EPHA6: variants seen among roughly 807,000 people sequenced by gnomAD.
EPHA6 encodes the protein EPH receptor A6.
EPHA6 carries 50 observed loss-of-function variants against 112.0 expected under a neutral mutation model. The observed-to-expected ratio is 0.45, with a 90% CI of 0.36 to 0.56. The LOEUF is 0.56. Among genes scored for constraint, EPHA6 ranks in the 20% least tolerant of loss-of-function variants. The pLI is 0.00. For synonymous variants in EPHA6, 529 were observed against 490.7 expected, an observed-to-expected ratio of 1.08 and a Z score of -1.03; for missense variants, 1,280 against 1,417.4, an observed-to-expected ratio of 0.90 and a Z score of 1.56.
chr3:97,193,289 T>C (rs1373377578), intron 3 of EPHA6, among the ~76,000 whole-genome samples: 3 of 152,162 alleles, frequency 2.0e-5, no homozygotes, highest in Non-Finnish European at 4.4e-5. Context: ...TATCTTTTCA[T>C]TTTCTGTGAC....
At chr3:97,501,306 A>T (rs2092111539) in intron 10 of EPHA6, among the ~76,000 whole-genome samples, 1 of 151,402 alleles carries the variant, frequency 6.6e-6, no homozygotes, top group Non-Finnish European at 1.5e-5. Context: ...TGAATGATAC[A>T]ATTTAAAAAT....
intron 12 of EPHA6, among the ~76,000 whole-genome samples, chr3:97,596,882 A>ATATATATACATATATATATATATATATG (rs1560174220): frequency 7.3e-5 from 9 of 123,866 alleles, no homozygotes; most frequent in African/African-American, 2.6e-4. Context: ...TGGAATATAT[A>ATATATATACATATATATATATATATATG]TATATATATA....
intron 3 of EPHA6, among the ~76,000 whole-genome samples, chr3:97,212,037 T>A (rs1324906848): frequency 6.6e-6 from 1 of 152,194 alleles, no homozygotes; most frequent in Non-Finnish European, 1.5e-5. Flanking sequence ...TTTGAAGACA[T>A]TTTTCTTTAT....
intron 5 of EPHA6, among the ~76,000 whole-genome samples, chr3:97,351,031 C>T (rs1349081916): frequency 6.6e-6 from 1 of 152,116 alleles, no homozygotes; most frequent in Non-Finnish European, 1.5e-5. Flanking sequence ...CCATTCTTTG[C>T]ATATTTAGTA....
At chr3:97,451,537 T>C (rs969984342) in intron 7 of EPHA6, among the ~76,000 whole-genome samples, 1 of 149,134 alleles carries the variant, frequency 6.7e-6, no homozygotes, top group Non-Finnish European at 1.5e-5. Flanking sequence ...TTTGAGAACA[T>C]AGAATGGCTC....
chr3:96,965,073 G>T (rs2042077210), intron 2 of EPHA6, among the ~76,000 whole-genome samples: 1 of 152,274 alleles, frequency 6.6e-6, no homozygotes, highest in South Asian at 2.1e-4. Flanking sequence ...TAGATTGGTT[G>T]CAGGTTGGCA....
intron 1 of EPHA6, among the ~76,000 whole-genome samples, chr3:96,816,139 T>A (rs910575652): frequency 4.5e-4 from 68 of 152,328 alleles, no homozygotes; most frequent in Middle Eastern, 3.4e-3. Flanking sequence ...GCATTCTTCT[T>A]TGTCATCAAC....
chr3:97,426,193 A>G (rs991774162), intron 6 of EPHA6, among the ~76,000 whole-genome samples: 3 of 152,206 alleles, frequency 2.0e-5, no homozygotes, highest in African/African-American at 7.2e-5. Flanking sequence ...CATGCTGCTA[A>G]TAAACACATA....
chr3:97,456,254 T>A (rs990665449), intron 7 of EPHA6, among the ~76,000 whole-genome samples: 3 of 152,152 alleles, frequency 2.0e-5, no homozygotes, highest in Non-Finnish European at 4.4e-5. Flanking sequence ...TTTCTTTTTT[T>A]AAAAGATTCT....
At chr3:96,995,157 C>T (rs2043373999) in intron 3 of EPHA6, among the ~76,000 whole-genome samples, 1 of 152,022 alleles carries the variant, frequency 6.6e-6, no homozygotes, top group African/African-American at 2.4e-5. Context: ...GCGCAATCCT[C>T]TGCTGCAGTT....
At chr3:97,346,867 G>A (rs1682698271) in intron 5 of EPHA6, among the ~76,000 whole-genome samples, 1 of 152,028 alleles carries the variant, frequency 6.6e-6, no homozygotes, top group African/African-American at 2.4e-5. Flanking sequence ...GTATTTTTCT[G>A]AGAAGCTTTT....
At chr3:97,085,219 A>G (rs2046855589) in intron 3 of EPHA6, among the ~76,000 whole-genome samples, 1 of 152,160 alleles carries the variant, frequency 6.6e-6, no homozygotes, top group South Asian at 2.1e-4. Flanking sequence ...AGTTAGATGC[A>G]CAGTCATAAT....
chr3:97,544,779 G>T (rs954381258), intron 11 of EPHA6, among the ~76,000 whole-genome samples: 2 of 152,130 alleles, frequency 1.3e-5, no homozygotes, highest in African/African-American at 4.8e-5. Flanking sequence ...GCCTGTTATT[G>T]GTCTATTCAG....
intron 12 of EPHA6, among the ~76,000 whole-genome samples, chr3:97,600,484 T>A (rs1300776879): frequency 2.0e-5 from 3 of 151,976 alleles, no homozygotes; most frequent in Non-Finnish European, 2.9e-5. Flanking sequence ...GAAGGGTTGT[T>A]GAATTTTGTC....
intron 3 of EPHA6, among the ~76,000 whole-genome samples, chr3:97,184,415 C>G (rs1176627651): frequency 6.6e-5 from 10 of 152,020 alleles, no homozygotes; most frequent in Non-Finnish European, 1.2e-4. Flanking sequence ...TCTTATACAC[C>G]AATAACAGAC....
chr3:97,711,538 G>C (rs977407207), intron 14 of EPHA6, among the ~76,000 whole-genome samples: 3 of 152,002 alleles, frequency 2.0e-5, no homozygotes, highest in African/African-American at 7.2e-5. Flanking sequence ...TAACCCAAAG[G>C]CTAAGAAAAG....
intron 5 of EPHA6, among the ~76,000 whole-genome samples, chr3:97,360,880 T>C (rs2084336586): frequency 6.6e-6 from 1 of 152,174 alleles, no homozygotes; most frequent in African/African-American, 2.4e-5. Context: ...CCTCATGCAT[T>C]CTATGACTAC....
At chr3:96,871,650 A>G (rs1352264434) in intron 2 of EPHA6, among the ~76,000 whole-genome samples, 1 of 152,028 alleles carries the variant, frequency 6.6e-6, no homozygotes, top group Non-Finnish European at 1.5e-5. Flanking sequence ...TTCACCGCAC[A>G]TTATGTGAAA....
chr3:96,873,909 CAAT>C (rs1255537678), intron 2 of EPHA6, among the ~76,000 whole-genome samples: 1 of 152,018 alleles, frequency 6.6e-6, no homozygotes, highest in Non-Finnish European at 1.5e-5. Context: ...TTCGTGATCT[CAAT>C]AATATTTATG....
Sources: gnomAD v4.1 joint callset for allele counts (sites outside exome capture counted in the v4.1 genomes callset) on GRCh38, gnomAD v4.1.1 for gene constraint, MANE v1.5 for transcripts, NCBI Gene and HGNC (gene_info 2026-07-23, HGNC 2026-07-21) for gene names.